The following TBC1D5 variants were observed in gnomAD, a reference collection of about 807,000 sequenced individuals.
TBC1D5 encodes TBC1 domain family member 5.
A neutral mutation model predicts 100.3 loss-of-function variants in TBC1D5; 75 were observed. That is an observed-to-expected ratio of 0.75 (90% confidence interval 0.62 to 0.91). TBC1D5 has a LOEUF of 0.91. TBC1D5 is among the 40% of genes least tolerant of loss of function. The pLI is 0.00. For synonymous variants in TBC1D5, 323 were observed against 325.6 expected (o/e 0.99, Z 0.09); for missense variants, 910 against 942.4 (o/e 0.97, Z 0.45).
At chr3:17,486,566 G>C (rs2095571565) in intron 3 of TBC1D5, among the ~76,000 whole-genome samples, 1 of 152,160 alleles carries the variant, frequency 6.6e-6, no homozygotes, top group South Asian at 2.1e-4. Context: ...GGAACTCCCA[G>C]GTTCTGCCCA....
At chr3:17,286,850 C>A in intron 15 of TBC1D5, among the ~76,000 whole-genome samples, 1 of 152,142 alleles carries the variant, frequency 6.6e-6, no homozygotes, top group East Asian at 1.9e-4. Context: ...AGCTCTGTGA[C>A]CTTGAATAAG....
intron 2 of TBC1D5, among the ~76,000 whole-genome samples, chr3:17,529,635 T>C (rs2096190304): frequency 7.4e-6 from 1 of 134,596 alleles, no homozygotes; most frequent in South Asian, 2.3e-4. Context: ...AAAGAAGGCA[T>C]TATTATTATT....
At chr3:17,563,949 A>AT (rs1210320877) in intron 2 of TBC1D5, among the ~76,000 whole-genome samples, 13 of 152,074 alleles carry the variant, frequency 8.5e-5, no homozygotes, top group South Asian at 4.1e-4. Context: ...TGCCTGGCTA[A>AT]TTTTTTGTAT....
At chr3:17,364,102 T>C (rs2091943553) in intron 13 of TBC1D5, among the ~76,000 whole-genome samples, 1 of 152,134 alleles carries the variant, frequency 6.6e-6, no homozygotes, top group Non-Finnish European at 1.5e-5. Flanking sequence ...TTCACTGATA[T>C]TCTTACAAAA....
At chr3:17,524,510 C>T (rs2096106449) in intron 2 of TBC1D5, 1 of 152,032 alleles carries the variant, frequency 6.6e-6, no homozygotes, top group Admixed American at 6.6e-5. Context: ...TTCTATAATC[C>T]TTGGGTTTAT....
chr3:17,422,610 C>T (rs9882273), intron 4 of TBC1D5, among the ~76,000 whole-genome samples: 73,676 of 151,920 alleles, frequency 0.48, 19,176 homozygotes, highest in African/African-American at 0.64. Flanking sequence ...TTTTGCCCTA[C>T]TATCTCCTTT....
intron 2 of TBC1D5, among the ~76,000 whole-genome samples, chr3:17,574,560 C>A (rs563717575): frequency 7.9e-5 from 12 of 152,172 alleles, no homozygotes; most frequent in African/African-American, 2.2e-4. Context: ...GACAGAATCC[C>A]TTTGCCTTAG....
At chr3:17,385,466 A>G (rs937638961) in intron 8 of TBC1D5, among the ~76,000 whole-genome samples, 1 of 151,952 alleles carries the variant, frequency 6.6e-6, no homozygotes, top group African/African-American at 2.4e-5. Context: ...ATTTCTGAAG[A>G]CCTCAGCTAT....
At chr3:17,408,315 A>G (rs1019714610) in intron 4 of TBC1D5, among the ~76,000 whole-genome samples, 1 of 143,772 alleles carries the variant, frequency 7.0e-6, no homozygotes, top group African/African-American at 2.6e-5. Flanking sequence ...ACACACACAC[A>G]CTTTTTAAAA....
intron 2 of TBC1D5, among the ~76,000 whole-genome samples, chr3:17,539,247 G>C (rs1428047441): frequency 6.6e-6 from 1 of 152,126 alleles, no homozygotes; most frequent in Non-Finnish European, 1.5e-5. Context: ...AAGATAAGGG[G>C]TTGTAGAGAC....
At chr3:17,402,463 A>G (rs2093672488) in intron 8 of TBC1D5, among the ~76,000 whole-genome samples, 1 of 152,130 alleles carries the variant, frequency 6.6e-6, no homozygotes, top group Admixed American at 6.6e-5. Context: ...CTAATTTACT[A>G]TTCTGACAGA....
chr3:17,571,469 AG>A (rs2096626754), intron 2 of TBC1D5, among the ~76,000 whole-genome samples: 2 of 152,068 alleles, frequency 1.3e-5, no homozygotes, highest in Admixed American at 6.6e-5. Flanking sequence ...CTGAACTCTC[AG>A]TACAAATACT....
At chr3:17,196,421 G>GT (rs1452704760) in intron 18 of TBC1D5, among the ~76,000 whole-genome samples, 1 of 152,178 alleles carries the variant, frequency 6.6e-6, no homozygotes, top group African/African-American at 2.4e-5. Context: ...CAACACAGAA[G>GT]TATGAGAAAG....
chr3:17,670,467 C>T (rs1446072941), intron 1 of TBC1D5, among the ~76,000 whole-genome samples: 2 of 152,176 alleles, frequency 1.3e-5, no homozygotes, highest in East Asian at 3.8e-4. Context: ...TCTTCAAGAA[C>T]CTCAGCAGCA....
chr3:17,563,029 C>T (rs1458781303), intron 2 of TBC1D5, among the ~76,000 whole-genome samples: 1 of 152,038 alleles, frequency 6.6e-6, no homozygotes, highest in Non-Finnish European at 1.5e-5. Context: ...AAAACTAAGT[C>T]CTAAACAAAT....
Position 17,449,608 on chromosome 3 carries a change from A to C in TBC1D5, c.98-21089T>G, listed in dbSNP as rs537092882. Among the ~76,000 whole-genome samples, 5 of 152,284 alleles carry C rather than the reference A, an allele frequency of 3.3e-5. No individual in the cohort carries two copies. In the South Asian group the frequency reaches 8.3e-4, roughly 25 times the overall value. ...GCAGTTTTCCCCTCAGAGTATAAAG[A>C]AAGCCATCAGTAAGTTCGAACTGGG... On this transcript the variant is annotated intron_variant, in intron 3 of 21. Transcript: ENST00000253692.
chr3:17,550,389 A>G (rs765782220), intron 2 of TBC1D5, among the ~76,000 whole-genome samples: 2 of 152,114 alleles, frequency 1.3e-5, no homozygotes, highest in Non-Finnish European at 1.5e-5. Flanking sequence ...ACTGCCTATA[A>G]TTTCAGTCTT....
chr3:17,654,216 T>C (rs1015215781), intron 1 of TBC1D5, among the ~76,000 whole-genome samples: 3 of 152,170 alleles, frequency 2.0e-5, no homozygotes, highest in Non-Finnish European at 2.9e-5. Context: ...GAGAAAAGTA[T>C]ATTCATTTTA....
At chr3:17,204,014 A>G (rs1324711374) in intron 18 of TBC1D5, among the ~76,000 whole-genome samples, 1 of 152,206 alleles carries the variant, frequency 6.6e-6, no homozygotes, top group Non-Finnish European at 1.5e-5. Flanking sequence ...TCCCCCCTTT[A>G]TCAACAGGCC....
Sources: allele counts gnomAD v4.1 joint callset (sites outside exome capture counted in the v4.1 genomes callset), GRCh38; gene constraint gnomAD v4.1.1; transcripts MANE v1.5; gene names NCBI Gene and HGNC (gene_info 2026-07-23, HGNC 2026-07-21).